The following KIF16B variants were observed in gnomAD, a reference collection of about 807,000 sequenced individuals.
The protein encoded by KIF16B is kinesin-like protein KIF16B.
KIF16B carries 98 observed loss-of-function variants against 156.3 expected under a neutral mutation model. That is an observed-to-expected ratio of 0.63 (90% CI 0.53 to 0.74). KIF16B has a LOEUF of 0.74. Ranked by LOEUF, KIF16B falls within the 30% of genes least tolerant of loss-of-function variation. KIF16B has a pLI of 0.00. For synonymous variants in KIF16B, 564 were observed against 583.7 expected (o/e 0.97, Z 0.49); for missense variants, 1,421 against 1,606.5 (o/e 0.88, Z 1.97).
intron 6 of KIF16B, among the ~76,000 whole-genome samples, chr20:16,510,277 A>G (rs1223559297): frequency 6.6e-6 from 1 of 152,228 alleles, no homozygotes; most frequent in African/African-American, 2.4e-5. Context: ...TAGCTATACC[A>G]CACACCACAG....
rs545075104 is a variant in KIF16B at position 16,553,536 on chromosome 20, G to A, written c.47+19693C>T. Among the ~76,000 whole-genome samples the A allele has an allele frequency of 1.2e-4, 18 of 152,266 alleles. 1 individual carries two copies. The highest frequency in any genetic ancestry group is 4.3e-4 in the African/African-American group (18 of 41,564). On this transcript the variant is annotated intron_variant, in intron 1 of 25. Transcript: ENST00000354981. ...CTAAGAGAGTATCTACTGTTCACCA[G>A]CTAAGCCTATTTGGACCTCAATAGC...
In KIF16B at chr20:16,388,867, T is replaced by C. The variant is rs1312450315; in HGVS notation, c.1785-7120A>G. Among the ~76,000 whole-genome samples the C allele has an allele frequency of 2.0e-5, 3 of 152,180 alleles. No homozygotes were observed. The South Asian group carries it at 6.2e-4, about 32-fold the overall frequency. On this transcript the variant is annotated intron_variant, in intron 17 of 25. Coordinates refer to ENST00000354981, the MANE Select transcript of KIF16B (RefSeq NM_024704.5). The stretch of plus-strand genomic sequence containing the variant: ...ATAAATACCTGCATCCTTGTGTGTC[T>C]TCATGGTGATTCGTGTTGTACCTAT...
chr20:16,379,701 C>G lies in KIF16B; in HGVS notation c.2301G>C (p.Glu767Asp). 6.2e-7 allele frequency: 1 copy of G among 1,614,172 alleles called. No individual in the cohort carries two copies. The highest frequency in any genetic ancestry group is 1.1e-5 in the South Asian group (1 of 91,074). Residue 767 changes from glutamate to aspartate, a missense_variant, in exon 19 of 26, where the codon GAG (glutamate) becomes GAC (aspartate). Transcript: ENST00000354981. ...TCATCTCCTGCTTCTCTCGGAGCTG[C>G]TCTTCCAGATGGGCCACGAGCATGA... is the stretch of plus-strand genomic sequence containing the variant. Reference protein sequence around the residue: ...EQVMLVAHLEEQLREKQEMIQ... With the variant: ...EQVMLVAHLEDQLREKQEMIQ...
chr20:16,560,793 AG>A (rs1304226246), intron 1 of KIF16B, among the ~76,000 whole-genome samples: 3 of 152,116 alleles, frequency 2.0e-5, no homozygotes, highest in Non-Finnish European at 4.4e-5. Flanking sequence ...TCAAAAAAAA[AG>A]AAAAAAAGCT....
chr20:16,334,492 T>G (rs2064001106), intron 24 of KIF16B, among the ~76,000 whole-genome samples: 2 of 152,202 alleles, frequency 1.3e-5, no homozygotes, highest in Non-Finnish European at 2.9e-5. Flanking sequence ...CCTAAATTTT[T>G]AATAAAAGAC....
At chr20:16,458,589 T>C (rs1311960840) in intron 12 of KIF16B, among the ~76,000 whole-genome samples, 18 of 152,170 alleles carry the variant, frequency 1.2e-4, no homozygotes, top group Admixed American at 1.2e-3. Flanking sequence ...AAAAATGGCA[T>C]GCAATTCTTT....
At chr20:16,326,861 GAC>G (rs913708583) in intron 24 of KIF16B, among the ~76,000 whole-genome samples, 2 of 151,630 alleles carry the variant, frequency 1.3e-5, no homozygotes, top group African/African-American at 4.8e-5. Context: ...ATATGAAAAA[GAC>G]ACTTGCACAC....
At chr20:16,468,508 G>C (rs2146732492) in intron 12 of KIF16B, among the ~76,000 whole-genome samples, 2 of 148,478 alleles carry the variant, frequency 1.3e-5, no homozygotes, top group Middle Eastern at 6.9e-3. Flanking sequence ...CCCTGGGGGA[G>C]GAGATTGCAG....
intron 25 of KIF16B, among the ~76,000 whole-genome samples, chr20:16,300,063 C>T (rs774965407): frequency 5.3e-5 from 8 of 152,110 alleles, no homozygotes; most frequent in Admixed American, 4.6e-4. Flanking sequence ...GTGTTCCATG[C>T]GGCCTCTCAC....
At chr20:16,465,973 T>C (rs575729597) in intron 12 of KIF16B, among the ~76,000 whole-genome samples, 2 of 152,290 alleles carry the variant, frequency 1.3e-5, no homozygotes, top group East Asian at 1.9e-4. Flanking sequence ...AAACAAATAA[T>C]GCAATAGTGA....
intron 15 of KIF16B, among the ~76,000 whole-genome samples, chr20:16,411,795 C>G (rs976393920): frequency 1.3e-5 from 2 of 151,904 alleles, no homozygotes; most frequent in African/African-American, 4.8e-5. Context: ...ATTGAACAAA[C>G]TGTGTGTGTG....
In KIF16B at chr20:16,374,512, C is replaced by T. The variant is rs945689670; in HGVS notation, c.3198-103G>A. The T allele has an allele frequency of 4.6e-6, 5 of 1,093,706 alleles. No individual in the cohort carries two copies. In the South Asian group the frequency reaches 1.4e-4, roughly 31 times the overall value. 67.8% of individuals were successfully genotyped at this position (1,093,706 alleles called of 1,614,324 possible). A position where few individuals can be genotyped will look rare whatever the true frequency, so the allele number is the denominator to read the frequency against. ...GATAGCATGGGGGAACAAGATCTGT[C>T]CTCTGTGTGCAAAGAACTTTACCTT... is the stretch of plus-strand genomic sequence containing the variant. On this transcript the variant is annotated intron_variant, in intron 19 of 25. Transcript: ENST00000354981.
intron 24 of KIF16B, among the ~76,000 whole-genome samples, chr20:16,326,304 A>G (rs1397371117): frequency 6.6e-6 from 1 of 152,012 alleles, no homozygotes; most frequent in Non-Finnish European, 1.5e-5. Context: ...AATAGATGGG[A>G]CTTAATTAAA....
At chr20:16,539,204 A>T (rs1481799446) in intron 1 of KIF16B, among the ~76,000 whole-genome samples, 1 of 152,172 alleles carries the variant, frequency 6.6e-6, no homozygotes, top group Non-Finnish European at 1.5e-5. Flanking sequence ...GCAACTGGGT[A>T]ACAAGCAGAG....
chr20:16,433,611 ACT>A (rs2066564085), intron 12 of KIF16B, among the ~76,000 whole-genome samples: 1 of 150,792 alleles, frequency 6.6e-6, no homozygotes, highest in Admixed American at 6.6e-5. Flanking sequence ...AGACACACAC[ACT>A]CACACACACA....
rs1221912730 is a variant in KIF16B at position 16,511,440 on chromosome 20, G to C, written c.534C>G (p.Pro178=). Residue 178 remains proline (P), a synonymous_variant, in exon 6 of 26, where the codon CCC becomes CCG. Coordinates refer to ENST00000354981, the MANE Select transcript of KIF16B (RefSeq NM_024704.5). ...KTFNLRVREH[P]KEGPYVEDLS... ...TACCCTCAACATAAGGGCCTTCTTTGGGATGCTCACGGACTCTCAAATTGA... is the reference window on the plus strand; with the variant it reads ...TACCCTCAACATAAGGGCCTTCTTTCGGATGCTCACGGACTCTCAAATTGA... 1.9e-6 allele frequency: 3 copies of C among 1,603,162 alleles called. No homozygotes were observed. Among genetic ancestry groups the C allele is most frequent in the Non-Finnish European group, 2.6e-6 (3 of 1,172,142 alleles).
intron 5 of KIF16B, among the ~76,000 whole-genome samples, chr20:16,512,219 A>G (rs757569584): frequency 6.6e-6 from 1 of 152,110 alleles, no homozygotes; most frequent in East Asian, 1.9e-4. Flanking sequence ...GGATTATTTC[A>G]TTGAATCTCC....
At chr20:16,423,830 A>G (rs553145445) in intron 15 of KIF16B, among the ~76,000 whole-genome samples, 23 of 152,054 alleles carry the variant, frequency 1.5e-4, no homozygotes, top group Non-Finnish European at 3.1e-4. Flanking sequence ...TAGACTCCAT[A>G]CAGGATTCAC....
At chr20:16,561,826 T>C (rs1399126432) in intron 1 of KIF16B, among the ~76,000 whole-genome samples, 4 of 152,178 alleles carry the variant, frequency 2.6e-5, no homozygotes, top group Admixed American at 2.0e-4. Context: ...CTGAGAACCA[T>C]TCTAAAAAAT....
Sources: allele counts gnomAD v4.1 joint callset (sites outside exome capture counted in the v4.1 genomes callset), GRCh38; gene constraint gnomAD v4.1.1; transcripts MANE v1.5; gene names NCBI Gene and HGNC (gene_info 2026-07-23, HGNC 2026-07-21).